CSMD1: variants seen among roughly 807,000 people sequenced by gnomAD.
CSMD1 encodes CUB and Sushi multiple domains 1, also known as CUB and sushi domain-containing protein 1.
A neutral mutation model predicts 417.5 loss-of-function variants in CSMD1; 213 were observed. The ratio of observed to expected loss-of-function variants is 0.51; its 90% CI spans 0.46 to 0.57. The LOEUF (loss-of-function observed/expected upper bound fraction) is 0.57. Among genes scored for constraint, CSMD1 ranks in the 20% least tolerant of loss-of-function variants. The pLI, the probability that CSMD1 is intolerant of heterozygous loss-of-function variation, is 0.00. For missense variants in CSMD1, 6,923 were observed against 4,529.7 expected (o/e 1.53, Z -15.17); for synonymous variants, 2,862 against 1,736.8 (o/e 1.65, Z -16.11).
chr8:3,508,023 T>C (rs558972704), intron 10 of CSMD1, among the ~76,000 whole-genome samples: 152 of 152,328 alleles, frequency 1.0e-3, no homozygotes, highest in Admixed American at 2.0e-3. Flanking sequence ...TAGATCCCAT[T>C]TGTCAATTTT....
chr8:4,576,242 C>T (rs1263670490), intron 2 of CSMD1, among the ~76,000 whole-genome samples: 4 of 152,212 alleles, frequency 2.6e-5, no homozygotes, highest in African/African-American at 7.2e-5. Flanking sequence ...TTCCAGGCAC[C>T]CTTCTAGTTC....
At chr8:4,158,539 G>A (rs892292221) in intron 3 of CSMD1, among the ~76,000 whole-genome samples, 4 of 152,134 alleles carry the variant, frequency 2.6e-5, no homozygotes, top group Non-Finnish European at 4.4e-5. Flanking sequence ...TATTAACACA[G>A]CCGCTAGGTT....
chr8:3,502,861 G>A (rs530902245), intron 10 of CSMD1, among the ~76,000 whole-genome samples: 1 of 152,206 alleles, frequency 6.6e-6, no homozygotes, highest in East Asian at 1.9e-4. Flanking sequence ...TATGGACTTT[G>A]GTAATTCAGC....
At chr8:4,422,164 C>T (rs552601863) in intron 2 of CSMD1, among the ~76,000 whole-genome samples, 1 of 152,200 alleles carries the variant, frequency 6.6e-6, no homozygotes, top group South Asian at 2.1e-4. Context: ...CCAAATGTTC[C>T]CACTGGAGAA....
At chr8:4,053,700 C>T (rs566714248) in intron 3 of CSMD1, among the ~76,000 whole-genome samples, 7 of 152,164 alleles carry the variant, frequency 4.6e-5, no homozygotes, top group Middle Eastern at 3.4e-3. Context: ...AACAGCTCAT[C>T]ATGGCAGTAG....
intron 3 of CSMD1, among the ~76,000 whole-genome samples, chr8:4,071,167 A>G (rs1799535961): frequency 6.6e-6 from 1 of 151,940 alleles, no homozygotes; most frequent in Non-Finnish European, 1.5e-5. Context: ...TTAGTACATT[A>G]AAGATAGTTT....
At chr8:3,080,563 T>A (rs1814014533) in intron 49 of CSMD1, among the ~76,000 whole-genome samples, 1 of 152,316 alleles carries the variant, frequency 6.6e-6, no homozygotes, top group Non-Finnish European at 1.5e-5. Flanking sequence ...AGAAGCTAAT[T>A]GCGAGCCATC....
intron 3 of CSMD1, among the ~76,000 whole-genome samples, chr8:4,252,374 G>C (rs978918441): frequency 6.6e-6 from 1 of 152,190 alleles, no homozygotes; most frequent in African/African-American, 2.4e-5. Context: ...AGACGCTGAA[G>C]TTATGTATTG....
At chr8:4,427,252 G>C (rs148803230) in intron 2 of CSMD1, among the ~76,000 whole-genome samples, 31 of 152,316 alleles carry the variant, frequency 2.0e-4, no homozygotes, top group African/African-American at 5.8e-4. Context: ...ATGGTCCTCA[G>C]TCCAAGAGAT....
chr8:3,669,746 C>A (rs1022058939), intron 7 of CSMD1, among the ~76,000 whole-genome samples: 55 of 152,116 alleles, frequency 3.6e-4, no homozygotes, highest in Non-Finnish European at 1.3e-4. Flanking sequence ...GGGCCCTGAC[C>A]TGGCTAAGCC....
intron 5 of CSMD1, among the ~76,000 whole-genome samples, chr8:3,952,172 C>A (rs1811640230): frequency 6.6e-6 from 1 of 152,106 alleles, no homozygotes; most frequent in Admixed American, 6.5e-5. Flanking sequence ...TGGGACAGAG[C>A]AGAAACTGTT....
At chr8:4,459,983 G>A (rs73178977) in intron 2 of CSMD1, among the ~76,000 whole-genome samples, 4 of 152,170 alleles carry the variant, frequency 2.6e-5, no homozygotes, top group Non-Finnish European at 5.9e-5. Flanking sequence ...ATGACCATCA[G>A]ACTAGACAAC....
chr8:4,790,876 A>G (rs1797648872), intron 1 of CSMD1, among the ~76,000 whole-genome samples: 1 of 152,154 alleles, frequency 6.6e-6, no homozygotes, highest in African/African-American at 2.4e-5. Flanking sequence ...AACTATAAAA[A>G]CCCTAGAAGG....
Position 3,194,574 on chromosome 8 carries a change from C to T in CSMD1, c.5195-4459G>A, listed in dbSNP as rs575491923. ...CCAGGTTCAAGCAATTCTCCTGCCT[C>T]AGCCTCTCAAGAAGCTGAGACTACA... is the stretch of plus-strand genomic sequence containing the variant. On this transcript the variant is annotated intron_variant, in intron 33 of 69. Coordinates refer to ENST00000635120, the MANE Select transcript of CSMD1 (RefSeq NM_033225.6). Among the ~76,000 whole-genome samples, 60 of 151,910 alleles carry T rather than the reference C, an allele frequency of 3.9e-4. No homozygotes were observed. The South Asian group carries it at 0.012, about 31-fold the overall frequency.
chr8:4,724,473 G>A (rs940354936), intron 1 of CSMD1, among the ~76,000 whole-genome samples: 5 of 151,476 alleles, frequency 3.3e-5, no homozygotes, highest in Admixed American at 6.6e-5. Context: ...ATAAGTAGCT[G>A]GGAGTTCATC....
intron 1 of CSMD1, among the ~76,000 whole-genome samples, chr8:4,701,032 T>C (rs776921641): frequency 5.0e-4 from 76 of 152,240 alleles, no homozygotes; most frequent in South Asian, 8.3e-4. Context: ...GGCAAACTAG[T>C]GAACAAAGTA....
At chr8:4,754,522 G>C (rs975419423) in intron 1 of CSMD1, among the ~76,000 whole-genome samples, 6 of 151,182 alleles carry the variant, frequency 4.0e-5, no homozygotes, top group Admixed American at 3.3e-4. Context: ...CCCAAAATTA[G>C]CGTCTATGTA....
Position 3,110,159 on chromosome 8 carries a change from A to C in CSMD1, c.6607T>G (p.Trp2203Gly). 6.9e-6 allele frequency: 11 copies of C among 1,602,338 alleles called. No individual in the cohort carries two copies. The highest frequency in any genetic ancestry group is 8.5e-6 in the Non-Finnish European group (10 of 1,173,960). The change falls in exon 43 of 70, where the codon TGG becomes GGG. Residue 2203 changes from tryptophan (W) to glycine (G), a missense_variant and splice_region_variant. Trp to Gly is a radical substitution (Grantham distance 184). Transcript: ENST00000635120. ...TTTTGACTTGAGAGGTTCTCATACCAAACAGCAATGTAATCGTTGACAGCT... is the reference window on the plus strand; with the variant it reads ...TTTTGACTTGAGAGGTTCTCATACCCAACAGCAATGTAATCGTTGACAGCT... ...TEAVNDYIAV[W>G]DGPDQNSPQL...
At chr8:4,022,637 C>T (rs1041318327) in intron 4 of CSMD1, among the ~76,000 whole-genome samples, 1 of 152,078 alleles carries the variant, frequency 6.6e-6, no homozygotes, top group African/African-American at 2.4e-5. Context: ...TTCTGGAACC[C>T]TCTGGGTGAG....
Sources: gnomAD v4.1 joint callset for allele counts (sites outside exome capture counted in the v4.1 genomes callset) on GRCh38, gnomAD v4.1.1 for gene constraint, MANE v1.5 for transcripts, NCBI Gene and HGNC (gene_info 2026-07-23, HGNC 2026-07-21) for gene names.